The following PPP2R2B variants were observed in gnomAD, a reference collection of about 807,000 sequenced individuals.
PPP2R2B encodes protein phosphatase 2 regulatory subunit Bbeta.
A neutral mutation model predicts 46.0 loss-of-function variants in PPP2R2B; 5 were observed. That is an observed-to-expected ratio of 0.11 (90% CI 0.06 to 0.23). The LOEUF is 0.23. Ranked by LOEUF, PPP2R2B falls within the 10% of genes least tolerant of loss-of-function variation. PPP2R2B has a pLI of 1.00. For missense variants in PPP2R2B, 367 were observed against 575.0 expected (o/e 0.64, Z 3.70); for synonymous variants, 215 against 206.7 (o/e 1.04, Z -0.34).
intron 1 of PPP2R2B, among the ~76,000 whole-genome samples, chr5:147,013,837 T>A (rs1754858886): frequency 7.4e-6 from 1 of 134,416 alleles, no homozygotes. Flanking sequence ...AAGGACTTCA[T>A]GTCTAAAACA....
At chr5:146,878,853 G>A (rs1319589668), upstream of PPP2R2B, 1 of 1,204,748 alleles carries the variant, frequency 8.3e-7, no homozygotes, top group African/African-American at 1.6e-5. This position sits in a 1 kb window ranked among gnomAD's most constrained non-coding sequence, Gnocchi z 4.5. Context: ...TGGTGGCCGA[G>A]GCAGAGGCTG....
At chr5:146,780,368 G>T (rs1473002785) in intron 2 of PPP2R2B, among the ~76,000 whole-genome samples, 1 of 152,148 alleles carries the variant, frequency 6.6e-6, no homozygotes, top group African/African-American at 2.4e-5. Context: ...AATGATAGTT[G>T]CTATCTTCCT....
At chr5:146,898,280 T>TCTGTTTTGGTACCAGTACCATG (rs1561503791) in intron 1 of PPP2R2B, among the ~76,000 whole-genome samples, 7 of 152,212 alleles carry the variant, frequency 4.6e-5, no homozygotes, top group Non-Finnish European at 8.8e-5. Context: ...GATCTATATC[T>TCTGTTTTGGTACCAGTACCATG]CTGTTTTGGT....
At chr5:146,987,954 G>A (rs1220572311) in intron 1 of PPP2R2B, among the ~76,000 whole-genome samples, 1 of 151,908 alleles carries the variant, frequency 6.6e-6, no homozygotes, top group African/African-American at 2.4e-5. Context: ...GGAAACCAAA[G>A]AGGGCAGGAG....
chr5:146,756,912 G>T (rs1055121927), intron 2 of PPP2R2B, among the ~76,000 whole-genome samples: 1 of 152,176 alleles, frequency 6.6e-6, no homozygotes, highest in Non-Finnish European at 1.5e-5. Flanking sequence ...GTCAAATGTG[G>T]TTCCTCTCCT....
At chr5:146,817,761 C>T (rs923365672) in intron 2 of PPP2R2B, among the ~76,000 whole-genome samples, 6 of 152,218 alleles carry the variant, frequency 3.9e-5, no homozygotes, top group African/African-American at 1.2e-4. Flanking sequence ...TAGTGGTATG[C>T]GCCACTTTAC....
chr5:146,680,641 C>G (rs1424731673), intron 5 of PPP2R2B, among the ~76,000 whole-genome samples: 1 of 151,984 alleles, frequency 6.6e-6, no homozygotes, highest in Admixed American at 6.6e-5. Flanking sequence ...TGTGTTTAAG[C>G]TAGGGTTTCC....
chr5:146,753,866 CA>C (rs1419623844), intron 2 of PPP2R2B, among the ~76,000 whole-genome samples: 1 of 151,996 alleles, frequency 6.6e-6, no homozygotes, highest in African/African-American at 2.4e-5. Context: ...CCTGAATCTC[CA>C]GGGGCAACTT....
chr5:147,022,408 A>G (rs1335714902), intron 1 of PPP2R2B, among the ~76,000 whole-genome samples: 2 of 151,902 alleles, frequency 1.3e-5, no homozygotes, highest in Non-Finnish European at 2.9e-5. Flanking sequence ...ATAAAAAAAA[A>G]AAAATTGTTG....
At chr5:146,793,705 T>G (rs1242629913) in intron 2 of PPP2R2B, among the ~76,000 whole-genome samples, 2 of 152,178 alleles carry the variant, frequency 1.3e-5, no homozygotes, top group East Asian at 3.9e-4. Context: ...TATTGCTGCC[T>G]ATTCCCAAGT....
intron 6 of PPP2R2B, among the ~76,000 whole-genome samples, chr5:146,650,163 G>A (rs1775862060): frequency 6.6e-6 from 1 of 152,134 alleles, no homozygotes; most frequent in Non-Finnish European, 1.5e-5. Flanking sequence ...TGAGACAATG[G>A]AAACCAGTAT....
At chr5:147,004,082 C>T (rs1195154661) in intron 1 of PPP2R2B, among the ~76,000 whole-genome samples, 1 of 152,152 alleles carries the variant, frequency 6.6e-6, no homozygotes, top group Admixed American at 6.5e-5. Flanking sequence ...AGAAAGGCCA[C>T]AGCCTTAGTC....
At chr5:146,995,429 A>AC (rs1359605974) in intron 1 of PPP2R2B, among the ~76,000 whole-genome samples, 4 of 152,178 alleles carry the variant, frequency 2.6e-5, no homozygotes, top group African/African-American at 9.7e-5. Flanking sequence ...TGGGGGTGTA[A>AC]CCACTGACAG....
chr5:146,752,421 C>T (rs186198826), intron 2 of PPP2R2B, among the ~76,000 whole-genome samples: 1 of 152,300 alleles, frequency 6.6e-6, no homozygotes, highest in East Asian at 1.9e-4. Flanking sequence ...ATCAGTGCTG[C>T]TCATTTTATT....
upstream of PPP2R2B, among the ~76,000 whole-genome samples, chr5:146,880,187 G>A (rs979823042): frequency 4.2e-3 from 624 of 147,452 alleles, 4 homozygotes; most frequent in African/African-American, 0.015. Flanking sequence ...TTTTGTGTGT[G>A]TGTGTGTGTG....
intron 1 of PPP2R2B, among the ~76,000 whole-genome samples, chr5:146,900,251 C>A (rs1382534380): frequency 6.6e-6 from 1 of 152,168 alleles, no homozygotes. Context: ...GTGCCACAGT[C>A]AGAAAACATA....
At chr5:146,860,729 G>C (rs1038575201) in intron 2 of PPP2R2B, among the ~76,000 whole-genome samples, 12 of 152,228 alleles carry the variant, frequency 7.9e-5, no homozygotes, top group African/African-American at 2.6e-4. Flanking sequence ...ATGTGCAGAG[G>C]GGCTGGCTCT....
intron 1 of PPP2R2B, among the ~76,000 whole-genome samples, chr5:147,011,082 T>C (rs1754707962): frequency 1.3e-5 from 2 of 152,186 alleles, no homozygotes; most frequent in African/African-American, 4.8e-5. Flanking sequence ...CCTTTCCGAC[T>C]ACTGCCCCTT....
At chr5:147,081,013 C>T (rs1302016709) in intron 2 of PPP2R2B, 47 of 1,499,034 alleles carry the variant, frequency 3.1e-5, no homozygotes, top group Non-Finnish European at 4.0e-5. Flanking sequence ...GAAATCAGCA[C>T]AAACTCCCAA....
Sources: gnomAD v4.1 joint callset for allele counts (sites outside exome capture counted in the v4.1 genomes callset) on GRCh38, gnomAD v4.1.1 for gene constraint, Gnocchi (gnomAD v3.1) non-coding constraint, MANE v1.5 for transcripts, NCBI Gene and HGNC (gene_info 2026-07-23, HGNC 2026-07-21) for gene names.